The following DLG2 variants were observed in gnomAD, a reference collection of about 807,000 sequenced individuals.
DLG2 encodes the protein discs large MAGUK scaffold protein 2.
Under a neutral mutation model 132.5 loss-of-function variants are expected in DLG2, and 45 were observed. That is an observed-to-expected ratio of 0.34 (90% CI 0.27 to 0.44). The LOEUF is 0.44. Ranked by LOEUF, DLG2 falls within the 20% of genes least tolerant of loss-of-function variation. DLG2 has a pLI of 1.00. For missense variants in DLG2, 1,045 were observed against 1,196.9 expected (o/e 0.87, Z 1.87); for synonymous variants, 424 against 419.6 (o/e 1.01, Z -0.13).
chr11:84,393,910 G>A (rs2098801804), intron 7 of DLG2, among the ~76,000 whole-genome samples: 1 of 151,986 alleles, frequency 6.6e-6, no homozygotes, highest in Admixed American at 6.5e-5. Flanking sequence ...TGTTTAGACA[G>A]AGTCTCACTT....
chr11:84,009,604 A>G (rs1387473993), intron 11 of DLG2, among the ~76,000 whole-genome samples: 2 of 152,088 alleles, frequency 1.3e-5, no homozygotes, highest in Non-Finnish European at 2.9e-5. Flanking sequence ...GCTAAAGTGA[A>G]GGAGGGAAGG....
At chr11:84,874,350 G>A (rs2085975368) in intron 6 of DLG2, among the ~76,000 whole-genome samples, 1 of 152,134 alleles carries the variant, frequency 6.6e-6, no homozygotes, top group Non-Finnish European at 1.5e-5. Context: ...AAGGCAAGAA[G>A]CATGTGCAAA....
chr11:83,627,587 C>A (rs2062810245), intron 19 of DLG2, among the ~76,000 whole-genome samples: 1 of 152,184 alleles, frequency 6.6e-6, no homozygotes, highest in Non-Finnish European at 1.5e-5. Context: ...TGTATATGTG[C>A]CACCTTTTCT....
At chr11:83,974,013 T>A (rs1485365539) in intron 12 of DLG2, among the ~76,000 whole-genome samples, 1 of 152,106 alleles carries the variant, frequency 6.6e-6, no homozygotes, top group Non-Finnish European at 1.5e-5. Flanking sequence ...ATGACTGTCC[T>A]AACTACCTCT....
chr11:84,142,552 G>A (rs1037055471), intron 9 of DLG2, among the ~76,000 whole-genome samples: 3 of 152,022 alleles, frequency 2.0e-5, no homozygotes, highest in African/African-American at 4.8e-5. Flanking sequence ...TGTCTGTGAC[G>A]GCAGCTCTGG....
At chr11:85,546,818 C>CTTTTTTTTTTTTTTTTT (rs34822004) in intron 3 of DLG2, among the ~76,000 whole-genome samples, 4 of 69,000 alleles carry the variant, frequency 5.8e-5, no homozygotes, top group Admixed American at 1.8e-4. Context: ...ATAACCCCTG[C>CTTTTTTTTTTTTTTTTT]TTTTTTTTTT....
At position 85,069,846 on chromosome 11, in the gene DLG2, G is replaced by A. The variant is rs866756835; in HGVS notation, c.357+41815C>T. Reference sequence around the variant, plus strand: ...ATAAATCATGCTGCTATAAAGACACGTGCACACGTATGTTTATTGTGGCAC... The same window carrying A: ...ATAAATCATGCTGCTATAAAGACACATGCACACGTATGTTTATTGTGGCAC... On this transcript the variant is annotated intron_variant, in intron 6 of 27. Coordinates refer to ENST00000376104, the MANE Select transcript of DLG2 (RefSeq NM_001142699.3). 2.4e-4 allele frequency among the ~76,000 whole-genome samples: 36 copies of A among 152,046 alleles called. 1 individual carries two copies. Among genetic ancestry groups the A allele is most frequent in the South Asian group, 2.3e-3 (11 of 4,818 alleles).
chr11:84,171,391 C>T (rs2095818724), intron 8 of DLG2, among the ~76,000 whole-genome samples: 1 of 152,072 alleles, frequency 6.6e-6, no homozygotes, highest in Non-Finnish European at 1.5e-5. Context: ...TCCCTCATTC[C>T]ATTCCCACCT....
intron 3 of DLG2, among the ~76,000 whole-genome samples, chr11:85,559,555 T>C (rs1270494896): frequency 6.6e-6 from 1 of 151,326 alleles, no homozygotes. Flanking sequence ...TCTTAAATAA[T>C]TAAATATATT....
chr11:85,058,637 C>T (rs994688220), intron 6 of DLG2, among the ~76,000 whole-genome samples: 4 of 151,356 alleles, frequency 2.6e-5, no homozygotes, highest in African/African-American at 7.3e-5. Flanking sequence ...ATATTAAAAC[C>T]TTATGTACAG....
intron 6 of DLG2, among the ~76,000 whole-genome samples, chr11:84,848,578 G>A (rs1002830542): frequency 9.2e-5 from 14 of 152,250 alleles, no homozygotes; most frequent in Admixed American, 2.0e-4. Context: ...GTATATTAGC[G>A]TACACCTATC....
At chr11:83,737,912 A>T (rs1210879892) in intron 18 of DLG2, among the ~76,000 whole-genome samples, 1 of 152,156 alleles carries the variant, frequency 6.6e-6, no homozygotes, top group Non-Finnish European at 1.5e-5. Flanking sequence ...TCTTTTGGTG[A>T]TGCTGCCTTA....
intron 14 of DLG2, among the ~76,000 whole-genome samples, chr11:83,942,204 A>G (rs922425751): frequency 6.6e-6 from 1 of 152,200 alleles, no homozygotes; most frequent in African/African-American, 2.4e-5. Context: ...AGACAGCCAC[A>G]AGATATTATT....
chr11:83,943,106 G>A (rs943631641), intron 14 of DLG2, among the ~76,000 whole-genome samples: 1 of 152,150 alleles, frequency 6.6e-6, no homozygotes, highest in Non-Finnish European at 1.5e-5. Flanking sequence ...GGCTTCCTCA[G>A]CCACGTGGAA....
At chr11:85,309,355 A>G (rs1039088200) in intron 3 of DLG2, among the ~76,000 whole-genome samples, 1 of 151,660 alleles carries the variant, frequency 6.6e-6, no homozygotes, top group African/African-American at 2.4e-5. Flanking sequence ...TTATGTAGCA[A>G]TTTTACAGTA....
At chr11:83,815,902 A>G (rs889335711) in intron 17 of DLG2, among the ~76,000 whole-genome samples, 1 of 152,124 alleles carries the variant, frequency 6.6e-6, no homozygotes. Flanking sequence ...TCTGACATGG[A>G]TAAGAGGCCA....
rs78860418 is a variant in DLG2, at chr11:84,835,055, A to C, written c.357+276606T>G. ...AGTGATACAGCATGCAGAGTGTCCT[A>C]AAGTTATTAGAGTTTGGATTACTTT... On this transcript the variant is annotated intron_variant, in intron 6 of 27. Transcript: ENST00000376104. Among the ~76,000 whole-genome samples the C allele has an allele frequency of 2.2e-3, 330 of 151,770 alleles. 1 individual carries two copies. The highest frequency in any genetic ancestry group is 7.6e-3 in the African/African-American group (317 of 41,470).
At chr11:83,782,161 CA>C (rs1566943202) in intron 18 of DLG2, among the ~76,000 whole-genome samples, 1 of 152,296 alleles carries the variant, frequency 6.6e-6, no homozygotes, top group East Asian at 1.9e-4. Context: ...ACCAAATGTC[CA>C]AACCAGGGAT....
chr11:83,756,440 A>C (rs560860667), intron 18 of DLG2, among the ~76,000 whole-genome samples: 3 of 151,626 alleles, frequency 2.0e-5, no homozygotes, highest in Admixed American at 6.5e-5. Context: ...TGCTAAAAGC[A>C]AACAAACAAA....
Sources: gnomAD v4.1 joint callset for allele counts (sites outside exome capture counted in the v4.1 genomes callset) on GRCh38, gnomAD v4.1.1 for gene constraint, MANE v1.5 for transcripts, NCBI Gene and HGNC (gene_info 2026-07-23, HGNC 2026-07-21) for gene names.